The following ABR variants were observed in gnomAD, a reference collection of about 807,000 sequenced individuals.
The protein encoded by ABR is active breakpoint cluster region-related protein.
A neutral mutation model predicts 107.2 loss-of-function variants in ABR; 35 were observed. That is an observed-to-expected ratio of 0.33 (90% CI 0.25 to 0.43). The LOEUF (loss-of-function observed/expected upper bound fraction) is 0.43, where lower values mean the gene tolerates loss of function less well. Among genes scored for constraint, ABR ranks in the 20% least tolerant of loss-of-function variants. ABR has a pLI of 1.00. For synonymous variants in ABR, 498 were observed against 462.0 expected (o/e 1.08, Z -1.00); for missense variants, 815 against 1,115.2 (o/e 0.73, Z 3.83).
At chr17:1,181,151 G>A (rs899936562), upstream of ABR, among the ~76,000 whole-genome samples, 1 of 152,222 alleles carries the variant, frequency 6.6e-6, no homozygotes, top group African/African-American at 2.4e-5. Context: ...CAGTGTGGTC[G>A]GCACCCGCAG....
At chr17:1,041,504 G>T (rs1240636078) in intron 16 of ABR, among the ~76,000 whole-genome samples, 1 of 152,002 alleles carries the variant, frequency 6.6e-6, no homozygotes, top group Non-Finnish European at 1.5e-5. Flanking sequence ...GGAGGCTGAG[G>T]CGGGTGGATC....
chr17:1,154,918 G>A lies in ABR; in HGVS notation c.61+24749C>T, dbSNP rs1005583633. On this transcript the variant is annotated intron_variant, in intron 1 of 22. Coordinates refer to ENST00000302538, the MANE Select transcript of ABR (RefSeq NM_021962.5). This position sits in a 1 kb window ranked among gnomAD's most constrained non-coding sequence, Gnocchi z 4.0. ...ACCAAGGCATCCACCCAATCCTGGC[G>A]GGGCCTCAGCACAAACAGGGCCTGC... The A allele has an allele frequency of 5.9e-5, 9 of 152,234 alleles. No individual in the cohort carries two copies. Among genetic ancestry groups the A allele is most frequent in the South Asian group, 2.1e-4 (1 of 4,828 alleles). 9.4% of individuals were successfully genotyped at this position (152,234 alleles called of 1,614,324 possible).
chr17:1,100,814 C>T lies in ABR; in HGVS notation c.247-79G>A, dbSNP rs945012582. ...TGCGTGGACGGTCTGCTTCCCTGCC[C>T]TTCCCCCCCGACCTTTATTTTTTTT... On this transcript the variant is annotated intron_variant, in intron 2 of 22. Transcript: ENST00000302538. 2.1e-5 allele frequency: 29 copies of T among 1,361,256 alleles called. No homozygotes were observed. In the East Asian group the frequency reaches 6.2e-4, roughly 29 times the overall value. The allele number at this position is 1,361,256 out of a possible 1,614,324, so 84.3% of individuals were successfully genotyped here.
chr17:1,045,431 T>C (rs1567642672), intron 16 of ABR, among the ~76,000 whole-genome samples: 1 of 151,480 alleles, frequency 6.6e-6, no homozygotes. Context: ...CAATCTTCCG[T>C]CTTCTTACAG....
chr17:1,126,593 T>C (rs961351926), intron 1 of ABR: 3 of 152,298 alleles, frequency 2.0e-5, no homozygotes, highest in Admixed American at 2.0e-4. Context: ...GGCGTCCGCT[T>C]GTTAAACCTC....
intron 2 of ABR, among the ~76,000 whole-genome samples, chr17:1,113,577 G>A (rs1205839548): frequency 1.3e-5 from 2 of 152,040 alleles, no homozygotes; most frequent in Non-Finnish European, 2.9e-5. Context: ...GTGAGACACG[G>A]CACCTGGCCC....
chr17:1,093,166 C>T (rs1396609879), intron 3 of ABR, among the ~76,000 whole-genome samples: 2 of 150,768 alleles, frequency 1.3e-5, no homozygotes, highest in East Asian at 2.0e-4. Flanking sequence ...CTGAAGGCCA[C>T]GTGGAAAGAG....
intron 3 of ABR, among the ~76,000 whole-genome samples, chr17:1,099,499 A>G (rs542554460): frequency 9.5e-4 from 145 of 152,302 alleles, no homozygotes; most frequent in African/African-American, 3.3e-3. Flanking sequence ...TTAAATGTGC[A>G]TCTTAGAATT....
At position 1,173,887 on chromosome 17, in the gene ABR, G is replaced by T. The variant is rs182470762; in HGVS notation, c.61+5780C>A. On this transcript the variant is annotated intron_variant, in intron 1 of 22. Transcript: ENST00000302538. ...CCCTCGAGGCTTTCCCGGATGAGGA[G>T]CGCAATGAGCTGGACAGCTGAGCTG... Among the ~76,000 whole-genome samples, 378 of 152,326 alleles carry T rather than the reference G, an allele frequency of 2.5e-3. 2 individuals are homozygous for T. Among genetic ancestry groups the T allele is most frequent in the Non-Finnish European group, 4.4e-3 (299 of 68,034 alleles).
At chr17:1,142,333 C>G (rs942947347) in intron 1 of ABR, among the ~76,000 whole-genome samples, 8 of 152,030 alleles carry the variant, frequency 5.3e-5, no homozygotes, top group Admixed American at 4.6e-4. Flanking sequence ...GCCTGTCATC[C>G]CAGCACTTTG....
chr17:1,211,841 G>A (rs1567895252), intron 1 of ABR, among the ~76,000 whole-genome samples: 1 of 152,158 alleles, frequency 6.6e-6, no homozygotes, highest in Non-Finnish European at 1.5e-5. Flanking sequence ...AGCACTTCGA[G>A]AGGCCAAGGC....
intron 16 of ABR, among the ~76,000 whole-genome samples, chr17:1,018,775 C>T (rs546189923): frequency 6.6e-6 from 1 of 152,334 alleles, no homozygotes; most frequent in Admixed American, 6.5e-5. Context: ...TTATCTCGAG[C>T]TCTTCCTGCA....
intron 16 of ABR, among the ~76,000 whole-genome samples, chr17:1,017,883 G>A (rs1053226684): frequency 1.3e-5 from 2 of 151,876 alleles, no homozygotes; most frequent in South Asian, 2.1e-4. Flanking sequence ...GATGACAGGC[G>A]TGAGCCACCG....
At chr17:1,062,175 G>C (rs923987819) in intron 10 of ABR, among the ~76,000 whole-genome samples, 1 of 102,790 alleles carries the variant, frequency 9.7e-6, no homozygotes, top group Non-Finnish European at 2.1e-5. Context: ...CTCCCGTGGT[G>C]CCTTCCTCTA....
chr17:1,055,464 T>C (rs1414994776), intron 14 of ABR: 1 of 152,462 alleles, frequency 6.6e-6, no homozygotes, highest in Non-Finnish European at 1.5e-5. Context: ...AGATATGAAG[T>C]TGGAGTCCAC....
At chr17:1,113,988 A>G (rs2038862322) in intron 2 of ABR, among the ~76,000 whole-genome samples, 1 of 151,272 alleles carries the variant, frequency 6.6e-6, no homozygotes, top group African/African-American at 2.4e-5. Flanking sequence ...GCAACATGGC[A>G]AGACCTCATC....
chr17:1,036,596 TGAGA>T (rs1312788002), intron 16 of ABR, among the ~76,000 whole-genome samples: 2 of 151,482 alleles, frequency 1.3e-5, no homozygotes, highest in Non-Finnish European at 1.5e-5. Flanking sequence ...GGCTCCAGGA[TGAGA>T]GAGAGACAAG....
intron 1 of ABR, among the ~76,000 whole-genome samples, chr17:1,133,410 A>C (rs1864108085): frequency 6.6e-6 from 1 of 152,188 alleles, no homozygotes; most frequent in African/African-American, 2.4e-5. Flanking sequence ...GGCTGTCTGT[A>C]AGTGTGAAAT....
chr17:1,216,123 A>G (rs890831657), intron 1 of ABR, among the ~76,000 whole-genome samples: 22 of 151,640 alleles, frequency 1.5e-4, no homozygotes, highest in East Asian at 1.9e-4. Context: ...CTATTGTCCT[A>G]TGACCCTGCC....
Sources: gnomAD v4.1 joint callset for allele counts (sites outside exome capture counted in the v4.1 genomes callset) on GRCh38, gnomAD v4.1.1 for gene constraint, Gnocchi (gnomAD v3.1) non-coding constraint, MANE v1.5 for transcripts, NCBI Gene and HGNC (gene_info 2026-07-23, HGNC 2026-07-21) for gene names.